The following AGBL4 variants were observed in gnomAD, a reference collection of about 807,000 sequenced individuals.
AGBL4 encodes AGBL carboxypeptidase 4.
Under a neutral mutation model 66.4 loss-of-function variants are expected in AGBL4, and 58 were observed. That is an observed-to-expected ratio of 0.87 (90% CI 0.71 to 1.09). The LOEUF (loss-of-function observed/expected upper bound fraction) is 1.09, where lower values mean the gene tolerates loss of function less well. Ranked by LOEUF, AGBL4 falls within the 50% of genes least tolerant of loss-of-function variation. The pLI is 0.00. For missense variants in AGBL4, 579 were observed against 631.0 expected (o/e 0.92, Z 0.88); for synonymous variants, 234 against 222.9 (o/e 1.05, Z -0.44).
chr1:48,789,413 C>T lies in AGBL4; in HGVS notation c.634+77778G>A, dbSNP rs1472075384. 3.9e-5 allele frequency among the ~76,000 whole-genome samples: 6 copies of T among 151,952 alleles called. No individual in the cohort carries two copies. In the South Asian group the frequency reaches 8.3e-4, roughly 21 times the overall value. On this transcript the variant is annotated intron_variant, in intron 6 of 13. Transcript: ENST00000371839. ...ATGCCATTCTCCTGCCTCAGCCTCCCGAGTAACTGGGACTACAGGCGCCCG... is the reference window on the plus strand; with the variant it reads ...ATGCCATTCTCCTGCCTCAGCCTCCTGAGTAACTGGGACTACAGGCGCCCG...
chr1:48,955,357 T>C (rs1169466126), intron 5 of AGBL4, among the ~76,000 whole-genome samples: 2 of 152,198 alleles, frequency 1.3e-5, no homozygotes, highest in East Asian at 3.8e-4. Context: ...GTTGACTTCA[T>C]TCCCGGAGTA....
chr1:49,828,153 T>G lies in AGBL4; in HGVS notation c.157+23243A>C, dbSNP rs531977027. 2.6e-5 allele frequency among the ~76,000 whole-genome samples: 4 copies of G among 152,298 alleles called. No homozygotes were observed. The South Asian group carries it at 6.2e-4, about 24-fold the overall frequency. On this transcript the variant is annotated intron_variant, in intron 2 of 13. Coordinates refer to ENST00000371839, the MANE Select transcript of AGBL4 (RefSeq NM_032785.4). ...AAAAAAAAACAACTCATTACTACTA[T>G]TATCTTTGTACCTTCAGTATCTGCA...
chr1:49,842,377 C>G, intron 2 of AGBL4: 1 of 604,932 alleles, frequency 1.7e-6, no homozygotes. Flanking sequence ...TTCCCCAAGG[C>G]ATGTACCCAG....
intron 1 of AGBL4, among the ~76,000 whole-genome samples, chr1:49,941,838 C>T (rs910677578): frequency 7.2e-5 from 11 of 151,986 alleles, no homozygotes; most frequent in African/African-American, 2.7e-4. Context: ...CAAGGATACC[C>T]ATTCTCATCA....
chr1:48,547,080 C>T (rs951284842), intron 11 of AGBL4, among the ~76,000 whole-genome samples: 1 of 151,920 alleles, frequency 6.6e-6, no homozygotes, highest in Admixed American at 6.6e-5. Flanking sequence ...GAGACGGAAA[C>T]TGGAAGAGGG....
chr1:49,563,747 T>C (rs371162150), intron 3 of AGBL4, among the ~76,000 whole-genome samples: 1 of 151,572 alleles, frequency 6.6e-6, no homozygotes, highest in African/African-American at 2.4e-5. Context: ...CAATGTTCAT[T>C]AAGGATATTG....
At chr1:48,758,073 C>G (rs1644040188) in intron 6 of AGBL4, among the ~76,000 whole-genome samples, 1 of 152,222 alleles carries the variant, frequency 6.6e-6, no homozygotes, top group South Asian at 2.1e-4. Context: ...TGCTTCTAAA[C>G]CACTTTAGAT....
chr1:49,768,110 T>C (rs1193795066), intron 2 of AGBL4, among the ~76,000 whole-genome samples: 1 of 152,118 alleles, frequency 6.6e-6, no homozygotes, highest in Non-Finnish European at 1.5e-5. Context: ...GAAGAGCTGG[T>C]ACCAATCCTC....
intron 11 of AGBL4, among the ~76,000 whole-genome samples, chr1:48,565,201 A>G (rs1476282473): frequency 6.6e-6 from 1 of 152,194 alleles, no homozygotes. Flanking sequence ...GCAAACCAGG[A>G]AATCACTGCC....
At chr1:48,780,053 G>A (rs1645254493) in intron 6 of AGBL4, among the ~76,000 whole-genome samples, 1 of 151,498 alleles carries the variant, frequency 6.6e-6, no homozygotes, top group Admixed American at 6.6e-5. Flanking sequence ...TACACTTTAA[G>A]CTCTGGTATA....
chr1:49,844,693 T>C, intron 2 of AGBL4: 2 of 1,597,452 alleles, frequency 1.3e-6, no homozygotes, highest in Non-Finnish European at 1.7e-6. Context: ...TCTTTCAGAC[T>C]TGGAAACTAG....
intron 3 of AGBL4, among the ~76,000 whole-genome samples, chr1:49,341,558 A>C (rs553169114): frequency 6.6e-6 from 1 of 152,316 alleles, no homozygotes; most frequent in African/African-American, 2.4e-5. Context: ...GGCCCACCTC[A>C]GTAAGGCCCC....
chr1:49,859,459 T>C (rs922267879), intron 1 of AGBL4, among the ~76,000 whole-genome samples: 1 of 152,108 alleles, frequency 6.6e-6, no homozygotes, highest in African/African-American at 2.4e-5. Context: ...TTCACCATAG[T>C]GACAGATCCA....
At chr1:48,859,803 C>A (rs1304814993) in intron 6 of AGBL4, among the ~76,000 whole-genome samples, 5 of 152,006 alleles carry the variant, frequency 3.3e-5, no homozygotes. Flanking sequence ...GGAATTTTTC[C>A]TAAAGAAATA....
chr1:50,018,533 G>A (rs1557663887), intron 1 of AGBL4, among the ~76,000 whole-genome samples: 1 of 151,984 alleles, frequency 6.6e-6, no homozygotes, highest in Non-Finnish European at 1.5e-5. Context: ...AAAATACTCT[G>A]AAACTCACAT....
At chr1:49,692,298 C>T (rs1335631135) in intron 3 of AGBL4, among the ~76,000 whole-genome samples, 1 of 152,034 alleles carries the variant, frequency 6.6e-6, no homozygotes, top group Non-Finnish European at 1.5e-5. Context: ...GAAATATAAA[C>T]CAAAATTGGT....
chr1:49,905,040 C>T (rs1650137444), intron 1 of AGBL4, among the ~76,000 whole-genome samples: 1 of 152,070 alleles, frequency 6.6e-6, no homozygotes, highest in Non-Finnish European at 1.5e-5. Context: ...ATCAGAATTC[C>T]TCTTGTGATG....
chr1:49,738,484 G>T (rs1349484808), intron 2 of AGBL4, among the ~76,000 whole-genome samples: 7 of 152,136 alleles, frequency 4.6e-5, no homozygotes, highest in Non-Finnish European at 8.8e-5. Context: ...TGGGGGCAGG[G>T]CATAGCCAAA....
intron 5 of AGBL4, among the ~76,000 whole-genome samples, chr1:48,887,454 G>A (rs148318866): frequency 6.6e-6 from 1 of 152,174 alleles, no homozygotes; most frequent in African/African-American, 2.4e-5. Flanking sequence ...AGGTAAGAGG[G>A]AACTAATGTT....
Sources: allele counts gnomAD v4.1 joint callset (sites outside exome capture counted in the v4.1 genomes callset), GRCh38; gene constraint gnomAD v4.1.1; transcripts MANE v1.5; gene names NCBI Gene and HGNC (gene_info 2026-07-23, HGNC 2026-07-21).